Variants in ADAMTSL1 observed in about 807,000 individuals in gnomAD.
ADAMTSL1 encodes the protein ADAMTS like 1.
ADAMTSL1 carries 126 observed loss-of-function variants against 201.8 expected under a neutral mutation model. The ratio of observed to expected loss-of-function variants is 0.62; its 90% CI spans 0.54 to 0.72. The LOEUF is 0.72. Among genes scored for constraint, ADAMTSL1 ranks in the 30% least tolerant of loss-of-function variants. ADAMTSL1 has a pLI of 0.00. For missense variants in ADAMTSL1, 2,679 were observed against 2,277.8 expected (o/e 1.18, Z -3.59); for synonymous variants, 1,121 against 903.4 (o/e 1.24, Z -4.32).
intron 10 of ADAMTSL1, among the ~76,000 whole-genome samples, chr9:18,679,481 T>C (rs558558634): frequency 6.7e-6 from 1 of 148,264 alleles, no homozygotes; most frequent in Admixed American, 6.6e-5. Flanking sequence ...TTCAGAGCTG[T>C]GTAAAGCTCT....
At chr9:18,795,356 ACTGAC>A (rs1376921041) in intron 19 of ADAMTSL1, 36 bp from the exon 20 acceptor site, 17 of 1,610,804 alleles carry the variant, frequency 1.1e-5, no homozygotes, top group Non-Finnish European at 1.4e-5. Flanking sequence ...AAAGGAGTCA[ACTGAC>A]TTGACCAGGT....
intron 1 of ADAMTSL1, among the ~76,000 whole-genome samples, chr9:18,080,958 G>C (rs977664794): frequency 2.6e-5 from 4 of 152,136 alleles, no homozygotes; most frequent in African/African-American, 9.7e-5. Context: ...TTATGCATTT[G>C]TGAGTCAACT....
At chr9:18,840,440 C>T (rs558055215) in intron 23 of ADAMTSL1, among the ~76,000 whole-genome samples, 5 of 152,114 alleles carry the variant, frequency 3.3e-5, no homozygotes, top group Non-Finnish European at 7.3e-5. Context: ...TTACTGTAGC[C>T]TTCTGGTATA....
At chr9:18,201,085 A>G (rs1944757) in intron 2 of ADAMTSL1, among the ~76,000 whole-genome samples, 58,726 of 151,764 alleles carry the variant, frequency 0.39, 11,796 homozygotes, top group East Asian at 0.52. Context: ...AAATTCATCT[A>G]TTTTGCTTGG....
intron 1 of ADAMTSL1, among the ~76,000 whole-genome samples, chr9:18,041,319 G>A (rs1429388860): frequency 6.6e-6 from 1 of 152,160 alleles, no homozygotes; most frequent in Non-Finnish European, 1.5e-5. Flanking sequence ...TGTGTTAGTT[G>A]TATTAGAAGA....
At chr9:18,121,034 G>A (rs945872465) in intron 1 of ADAMTSL1, among the ~76,000 whole-genome samples, 1 of 152,072 alleles carries the variant, frequency 6.6e-6, no homozygotes, top group African/African-American at 2.4e-5. Context: ...AAGAAAATAG[G>A]TGGAGTACTG....
intron 2 of ADAMTSL1, among the ~76,000 whole-genome samples, chr9:18,268,110 G>T (rs1181297763): frequency 6.6e-6 from 1 of 152,078 alleles, no homozygotes; most frequent in Non-Finnish European, 1.5e-5. Context: ...TTGTCTTTTA[G>T]CATAAAGCTT....
chr9:18,301,227 T>C (rs1444314757), intron 2 of ADAMTSL1, among the ~76,000 whole-genome samples: 1 of 152,154 alleles, frequency 6.6e-6, no homozygotes, highest in Non-Finnish European at 1.5e-5. Flanking sequence ...TTCAGAGATG[T>C]TAAAAGGTAT....
intron 2 of ADAMTSL1, among the ~76,000 whole-genome samples, chr9:18,222,779 G>A (rs1408566990): frequency 1.3e-5 from 2 of 150,808 alleles, no homozygotes; most frequent in Non-Finnish European, 3.0e-5. Context: ...TTGTTTGCCT[G>A]CAAAAACATC....
intron 1 of ADAMTSL1, among the ~76,000 whole-genome samples, chr9:17,928,292 C>A (rs947295387): frequency 6.6e-6 from 1 of 152,178 alleles, no homozygotes; most frequent in Non-Finnish European, 1.5e-5. Flanking sequence ...AGCCACTGAA[C>A]CTAGTTCTTT....
chr9:17,956,595 A>T (rs1279542541), intron 1 of ADAMTSL1, among the ~76,000 whole-genome samples: 4 of 152,150 alleles, frequency 2.6e-5, no homozygotes, highest in Non-Finnish European at 4.4e-5. Flanking sequence ...GGTCTGTAGC[A>T]TGACTCAGTT....
intron 9 of ADAMTSL1, among the ~76,000 whole-genome samples, chr9:18,672,423 A>G (rs1180106744): frequency 1.3e-5 from 2 of 152,224 alleles, no homozygotes; most frequent in African/African-American, 2.4e-5. Context: ...AGAAAACAGA[A>G]AAACATTTAA....
At chr9:18,029,776 A>C (rs148841468) in intron 1 of ADAMTSL1, among the ~76,000 whole-genome samples, 1 of 152,268 alleles carries the variant, frequency 6.6e-6, no homozygotes, top group Non-Finnish European at 1.5e-5. Flanking sequence ...ACATGTATGT[A>C]GCCAAAAACA....
intron 1 of ADAMTSL1, among the ~76,000 whole-genome samples, chr9:17,927,218 A>G (rs898496829): frequency 2.0e-5 from 3 of 152,136 alleles, no homozygotes; most frequent in Non-Finnish European, 4.4e-5. Flanking sequence ...GCTTATCCAT[A>G]TCGTAGCATA....
chr9:18,118,885 A>T (rs1273971534), intron 1 of ADAMTSL1, among the ~76,000 whole-genome samples: 2 of 152,210 alleles, frequency 1.3e-5, no homozygotes, highest in African/African-American at 4.8e-5. Flanking sequence ...AAAATACCGC[A>T]AAGCATGTGA....
intron 1 of ADAMTSL1, among the ~76,000 whole-genome samples, chr9:18,055,463 G>T (rs757237913): frequency 1.6e-4 from 25 of 152,130 alleles, no homozygotes; most frequent in Non-Finnish European, 2.5e-4. Context: ...AACTATAAAG[G>T]CTATTCTAAA....
intron 23 of ADAMTSL1, among the ~76,000 whole-genome samples, chr9:18,836,415 C>T (rs1825311018): frequency 6.6e-6 from 1 of 152,116 alleles, no homozygotes; most frequent in African/African-American, 2.4e-5. Context: ...TTTTGCTGTG[C>T]AGAAGCTCTT....
At chr9:18,599,381 C>G (rs1426720912) in intron 4 of ADAMTSL1, among the ~76,000 whole-genome samples, 1 of 152,136 alleles carries the variant, frequency 6.6e-6, no homozygotes. Context: ...CAGGCATGGG[C>G]CTCAATTATT....
At chr9:17,970,002 G>A (rs1000324025) in intron 1 of ADAMTSL1, among the ~76,000 whole-genome samples, 2 of 151,980 alleles carry the variant, frequency 1.3e-5, no homozygotes, top group African/African-American at 4.8e-5. Context: ...ACCTTATCCT[G>A]TACCTCTGGG....
Sources: gnomAD v4.1 joint callset for allele counts (sites outside exome capture counted in the v4.1 genomes callset) on GRCh38, gnomAD v4.1.1 for gene constraint, MANE v1.5 for transcripts, NCBI Gene and HGNC (gene_info 2026-07-23, HGNC 2026-07-21) for gene names.